The following MAP1S variants were observed in gnomAD, a reference collection of about 807,000 sequenced individuals.
MAP1S encodes microtubule associated protein 1S, also known as microtubule-associated protein 1S.
In MAP1S, 27 loss-of-function variants were observed where a neutral mutation model predicts 60.9. The ratio of observed to expected loss-of-function variants is 0.44; its 90% confidence interval spans 0.33 to 0.61. MAP1S has a LOEUF of 0.61. MAP1S is among the 20% of genes least tolerant of loss of function. The probability of loss-of-function intolerance (pLI) is 0.03; values close to 1 mark genes in which losing one functional copy is unlikely to be tolerated. For missense variants in MAP1S, 1,608 were observed against 1,486.6 expected, an observed-to-expected ratio of 1.08 and a Z score of -1.34; for synonymous variants, 826 against 694.2, an observed-to-expected ratio of 1.19 and a Z score of -2.98.
chr19:17,726,921 C>A lies in MAP1S; in HGVS notation c.1537C>A (p.Arg513Ser). Residue 513 changes from arginine to serine, a missense_variant, in exon 5 of 7, where the codon CGC (arginine) becomes AGC (serine). By Grantham distance (110) the Arg-to-Ser change is moderately radical (BLOSUM62 -1). This residue lies in a region of MAP1S where 1,167 missense variants were observed against 961.4 expected (regional missense o/e 1.21). Coordinates refer to ENST00000324096, the MANE Select transcript of MAP1S (RefSeq NM_018174.6). ...RKEPARAEAP[R>S]KTEKEAKTPR... ...GGAGCCAGCACGGGCTGAGGCCCCA[C>A]GCAAGACTGAGAAAGAAGCCAAGAC... The A allele has an allele frequency of 6.4e-7, 1 of 1,566,046 alleles. No individual in the cohort carries two copies. Among genetic ancestry groups the A allele is most frequent in the Non-Finnish European group, 8.7e-7 (1 of 1,156,028 alleles).
intron 3 of MAP1S, among the ~76,000 whole-genome samples, chr19:17,724,417 AG>A (rs1008089919): frequency 6.7e-6 from 1 of 150,226 alleles, no homozygotes; most frequent in Non-Finnish European, 1.5e-5. Context: ...GGACTTTGGG[AG>A]GGAGGGGAGG....
Position 17,726,668 on chromosome 19 carries a change from G to A in MAP1S, c.1284G>A (p.Val428=), listed in dbSNP as rs763669908. Residue 428 remains valine, a synonymous_variant, in exon 5 of 7, where the codon GTG becomes GTA. Coordinates refer to ENST00000324096, the MANE Select transcript of MAP1S (RefSeq NM_018174.6). ...CCGCCGGCCCCGGCGAGAAGGTGGT[G>A]CGCGTGCTGTTCCCCGGTTGCACCC... The part of the protein sequence containing the change: ...WHPAGPGEKV[V]RVLFPGCTPP... 7 of 1,582,626 alleles carry A rather than the reference G, an allele frequency of 4.4e-6. No individual in the cohort carries two copies. Among genetic ancestry groups the A allele is most frequent in the South Asian group, 1.1e-5 (1 of 87,740 alleles).
At chr19:17,724,918 G>C (rs2080403320) in intron 3 of MAP1S, 131 bp from the exon 4 acceptor site, 2 of 1,136,268 alleles carry the variant, frequency 1.8e-6, no homozygotes, top group African/African-American at 3.1e-5. Context: ...GTAGCTAGTT[G>C]AGCACTGGGC....
intron 3 of MAP1S, 153 bp from the exon 4 acceptor site, chr19:17,724,896 G>A: frequency 2.2e-6 from 2 of 890,548 alleles, no homozygotes; most frequent in Admixed American, 4.0e-5. Flanking sequence ...AGGAGACCTG[G>A]AGACTGCCTT....
rs773801022 is a variant in MAP1S at position 17,726,672 on chromosome 19, G to A, written c.1288G>A (p.Val430Met). ...PAGPGEKVVR[V>M]LFPGCTPPAC... is the part of the protein sequence containing the mutation. ...CGGCCCCGGCGAGAAGGTGGTGCGC[G>A]TGCTGTTCCCCGGTTGCACCCCGCC... Residue 430 changes from valine to methionine, a missense_variant, in exon 5 of 7, where the codon GTG (valine) becomes ATG (methionine). Around this residue, in one of 4 missense-constraint regions of MAP1S, gnomAD observed 1,167 missense variants for 961.4 expected, o/e 1.21. Transcript: ENST00000324096. 1.3e-6 allele frequency: 2 copies of A among 1,583,166 alleles called. No individual in the cohort carries two copies. Among genetic ancestry groups the A allele is most frequent in the Admixed American group, 1.8e-5 (1 of 56,618 alleles).
intron 1 of MAP1S, chr19:17,720,350 A>G: frequency 6.6e-7 from 1 of 1,524,406 alleles, no homozygotes. Flanking sequence ...TTTAGTGAGC[A>G]CCTGCTATGC....
intron 1 of MAP1S, chr19:17,720,290 A>T: frequency 7.0e-7 from 1 of 1,429,060 alleles, no homozygotes; most frequent in Non-Finnish European, 9.2e-7. Flanking sequence ...GTTTCATTGC[A>T]TGTAAAATGG....
At chr19:17,720,519 G>A (rs1410617521) in intron 1 of MAP1S, 1 of 1,492,678 alleles carries the variant, frequency 6.7e-7, no homozygotes, top group Non-Finnish European at 8.9e-7. Flanking sequence ...AAGGCTGCAA[G>A]GGACTGAGAG....
Position 17,720,423 on chromosome 19 carries a change from C to G in MAP1S, c.119-513C>G, listed in dbSNP as rs1432875740. ...GGATGATAGACAGGTTCAGCCCTGC[C>G]AACACAGGTCTGGTTTGGGGATGGA... On this transcript the variant is annotated intron_variant, in intron 1 of 6. Coordinates refer to ENST00000324096, the MANE Select transcript of MAP1S (RefSeq NM_018174.6). The G allele has an allele frequency of 2.6e-6, 4 of 1,535,056 alleles. No individual in the cohort carries two copies. In the African/African-American group the frequency reaches 4.1e-5, roughly 16 times the overall value.
chr19:17,731,297 A>G (rs2080491251), intron 5 of MAP1S, among the ~76,000 whole-genome samples: 1 of 152,172 alleles, frequency 6.6e-6, no homozygotes, highest in Non-Finnish European at 1.5e-5. Flanking sequence ...GTATGTGGTG[A>G]AAAGATCCAG....
intron 1 of MAP1S, chr19:17,720,073 C>T: frequency 8.9e-7 from 1 of 1,121,782 alleles, no homozygotes; most frequent in Non-Finnish European, 1.1e-6. Flanking sequence ...CCCCGGGGCC[C>T]GCTTTCTGTT....
intron 2 of MAP1S, 137 bp downstream of exon 2, chr19:17,721,174 C>A: frequency 1.3e-6 from 1 of 751,944 alleles, no homozygotes; most frequent in Non-Finnish European, 2.3e-6. Flanking sequence ...CAAATGCAAG[C>A]CGTGACCCAG....
At chr19:17,732,487 G>A (rs1055226576) in intron 5 of MAP1S, among the ~76,000 whole-genome samples, 12 of 152,134 alleles carry the variant, frequency 7.9e-5, no homozygotes, top group Admixed American at 6.6e-4. Context: ...CTAAGGTCAG[G>A]GTTTGGACAA....
intron 5 of MAP1S, 117 bp from the exon 6 acceptor site, chr19:17,733,076 A>T: frequency 1.6e-6 from 1 of 645,154 alleles, no homozygotes; most frequent in Non-Finnish European, 2.6e-6. Flanking sequence ...GAAAACTCTG[A>T]GTTCAGGCCT....
At chr19:17,732,992 G>A (rs1171170500) in intron 5 of MAP1S, 6 of 552,268 alleles carry the variant, frequency 1.1e-5, no homozygotes, top group African/African-American at 1.9e-5. Context: ...TTTGTGACGA[G>A]CCTGGGCAGC....
At chr19:17,721,311 G>T (rs1239710497) in intron 2 of MAP1S, 1 of 445,638 alleles carries the variant, frequency 2.2e-6, no homozygotes, top group African/African-American at 2.0e-5. Flanking sequence ...GGGGTTTTTT[G>T]ATGAGAAACT....
Position 17,725,246 on chromosome 19 carries a change from T to G in MAP1S, c.444+57T>G. On this transcript the variant is annotated intron_variant, in intron 4 of 6. Transcript: ENST00000324096. The surrounding 1 kb of genome is among the most constrained non-coding windows in gnomAD (Gnocchi z 4.2). ...CCAGCTCTGAATCCTGACTGGGGTG[T>G]ATCAGGCTGTGTGGCACCAGCGACC... 2 of 1,553,976 alleles carry G rather than the reference T, an allele frequency of 1.3e-6. No homozygotes were observed. The highest frequency in any genetic ancestry group is 1.7e-6 in the Non-Finnish European group (2 of 1,149,438).
At position 17,733,189 on chromosome 19, in the gene MAP1S, G is replaced by A. The variant is rs936716840; in HGVS notation, c.2789-4G>A. 7 of 1,353,874 alleles carry A rather than the reference G, an allele frequency of 5.2e-6. No homozygotes were observed. The highest frequency in any genetic ancestry group is 6.4e-5 in the East Asian group (2 of 31,024). 83.9% of individuals were successfully genotyped at this position (1,353,874 alleles called of 1,614,324 possible). The stretch of plus-strand genomic sequence containing the variant: ...TCCCTGCCTCCCCATCCCCCCGCCC[G>A]CAGGGTCAGCCAGCAGCCGGCCCGG... On this transcript the variant is annotated splice_polypyrimidine_tract_variant and splice_region_variant and intron_variant, in intron 5 of 6. Coordinates refer to ENST00000324096, the MANE Select transcript of MAP1S (RefSeq NM_018174.6).
chr19:17,722,443 C>A (rs1313687521), intron 2 of MAP1S, among the ~76,000 whole-genome samples: 3 of 151,028 alleles, frequency 2.0e-5, no homozygotes, highest in African/African-American at 4.9e-5. Context: ...CAGAGCGAGA[C>A]CCTGTCTCAA....
Sources: allele counts gnomAD v4.1 joint callset (sites outside exome capture counted in the v4.1 genomes callset), GRCh38; gene constraint gnomAD v4.1.1; regional missense constraint gnomAD v4.1.1; non-coding constraint Gnocchi (gnomAD v3.1); transcripts MANE v1.5; gene names NCBI Gene and HGNC (gene_info 2026-07-23, HGNC 2026-07-21).